Variants in ARL15 observed in about 807,000 individuals in gnomAD.
The protein encoded by ARL15 is ARF like GTPase 15.
A neutral mutation model predicts 25.2 loss-of-function variants in ARL15; 19 were observed. The observed-to-expected ratio is 0.75, with a 90% CI of 0.53 to 1.10. The LOEUF is 1.10. Ranked by LOEUF, ARL15 falls within the 50% of genes least tolerant of loss-of-function variation. The pLI, the probability that ARL15 is intolerant of heterozygous loss-of-function variation, is 0.00. For synonymous variants in ARL15, 94 were observed against 86.8 expected, an observed-to-expected ratio of 1.08 and a Z score of -0.46; for missense variants, 220 against 246.0, an observed-to-expected ratio of 0.89 and a Z score of 0.71.
intron 1 of ARL15, among the ~76,000 whole-genome samples, chr5:54,233,513 T>C (rs921476977): frequency 6.6e-6 from 1 of 152,358 alleles, no homozygotes; most frequent in South Asian, 2.1e-4. Flanking sequence ...GTGTTAACAT[T>C]TGGAAGATTT....
At chr5:54,263,247 G>A (rs1757540538) in intron 1 of ARL15, among the ~76,000 whole-genome samples, 1 of 152,104 alleles carries the variant, frequency 6.6e-6, no homozygotes, top group South Asian at 2.1e-4. Context: ...TAACACAACT[G>A]TAATTAATAA....
intron 1 of ARL15, among the ~76,000 whole-genome samples, chr5:54,248,629 T>C (rs1370990459): frequency 6.6e-6 from 1 of 152,244 alleles, no homozygotes; most frequent in Non-Finnish European, 1.5e-5. Flanking sequence ...TATTTGCTAA[T>C]TGTAGGTCTT....
chr5:54,128,646 A>G (rs1308789037), intron 3 of ARL15, among the ~76,000 whole-genome samples: 1 of 151,842 alleles, frequency 6.6e-6, no homozygotes, highest in Non-Finnish European at 1.5e-5. Context: ...ACACTATGTC[A>G]TTTAGGCTTC....
At chr5:54,249,452 G>A (rs1399581983) in intron 1 of ARL15, among the ~76,000 whole-genome samples, 1 of 152,050 alleles carries the variant, frequency 6.6e-6, no homozygotes, top group Non-Finnish European at 1.5e-5. Context: ...AGATATAAGA[G>A]GAAGTGAAGA....
intron 1 of ARL15, among the ~76,000 whole-genome samples, chr5:54,174,303 T>C (rs1754802988): frequency 6.6e-6 from 1 of 152,208 alleles, no homozygotes. Context: ...AAGAAAATAC[T>C]GTCAAAATAA....
At chr5:53,965,226 A>G (rs1747510998) in intron 4 of ARL15, among the ~76,000 whole-genome samples, 1 of 152,164 alleles carries the variant, frequency 6.6e-6, no homozygotes, top group Non-Finnish European at 1.5e-5. Flanking sequence ...TCTTGTTTGT[A>G]TATTATTAAT....
intron 4 of ARL15, among the ~76,000 whole-genome samples, chr5:54,061,488 T>G (rs912276792): frequency 1.3e-5 from 2 of 152,128 alleles, no homozygotes; most frequent in African/African-American, 4.8e-5. Flanking sequence ...TGTATGCCTG[T>G]AATCCCAGCT....
intron 4 of ARL15, among the ~76,000 whole-genome samples, chr5:54,052,690 C>T (rs933460974): frequency 4.5e-4 from 68 of 152,148 alleles, no homozygotes; most frequent in African/African-American, 1.6e-3. Context: ...GTTTAATATA[C>T]AGAGGATTAC....
intron 4 of ARL15, among the ~76,000 whole-genome samples, chr5:53,910,633 T>TTATATATATATA (rs70986649): frequency 0.027 from 1,475 of 54,416 alleles, 26 homozygotes; most frequent in Non-Finnish European, 0.031. Context: ...TAAAAAAAAA[T>TTATATATATATA]TATATATATA....
chr5:54,160,476 C>T (rs543147889), intron 2 of ARL15, among the ~76,000 whole-genome samples: 22 of 152,164 alleles, frequency 1.4e-4, no homozygotes, highest in Admixed American at 7.9e-4. Flanking sequence ...CCTTTAGATT[C>T]CATTCCTCTG....
At chr5:54,279,239 T>C (rs1757994963) in intron 1 of ARL15, among the ~76,000 whole-genome samples, 1 of 138,076 alleles carries the variant, frequency 7.2e-6, no homozygotes, top group Non-Finnish European at 1.6e-5. Flanking sequence ...GTTTATGTTA[T>C]CTGCAATTTA....
Position 53,987,714 on chromosome 5 carries a change from GC to G in ARL15, c.463-101002del, listed in dbSNP as rs771408128. Among the ~76,000 whole-genome samples, 12 of 152,264 alleles carry G rather than the reference GC, an allele frequency of 7.9e-5. No homozygotes were observed. The East Asian group carries it at 2.3e-3, about 29-fold the overall frequency. Reference sequence around the variant, plus strand: ...ACCTGTAATCCCAGCAGTTTGGGAGGCCAAGGTGGGAGGATCACTTGAGCCT... The same window carrying G: ...ACCTGTAATCCCAGCAGTTTGGGAGGCAAGGTGGGAGGATCACTTGAGCCT... On this transcript the variant is annotated intron_variant, in intron 4 of 4. Transcript: ENST00000504924.
intron 3 of ARL15, among the ~76,000 whole-genome samples, chr5:54,118,525 C>T (rs1316949014): frequency 6.6e-6 from 1 of 152,092 alleles, no homozygotes; most frequent in Non-Finnish European, 1.5e-5. Flanking sequence ...CATATGGATA[C>T]TCATTGTCTT....
intron 1 of ARL15, among the ~76,000 whole-genome samples, chr5:54,281,803 C>G (rs919563915): frequency 6.6e-6 from 1 of 152,140 alleles, no homozygotes; most frequent in Admixed American, 6.5e-5. Flanking sequence ...AATTGTACTC[C>G]ATGTATTTTC....
chr5:53,963,120 T>C (rs895057926), intron 4 of ARL15, among the ~76,000 whole-genome samples: 1 of 152,110 alleles, frequency 6.6e-6, no homozygotes, highest in Non-Finnish European at 1.5e-5. Context: ...AAAAAGGTAA[T>C]AAAGGATGGG....
At chr5:54,152,022 C>A (rs1754083374) in intron 3 of ARL15, among the ~76,000 whole-genome samples, 1 of 152,148 alleles carries the variant, frequency 6.6e-6, no homozygotes, top group Non-Finnish European at 1.5e-5. Flanking sequence ...ACTGTCCTGG[C>A]TCTTAATCTC....
chr5:54,038,596 G>C (rs1452503487), intron 4 of ARL15, among the ~76,000 whole-genome samples: 1 of 151,970 alleles, frequency 6.6e-6, no homozygotes, highest in Non-Finnish European at 1.5e-5. Flanking sequence ...ACCAAAATTA[G>C]AGTGATATAA....
At chr5:53,979,271 G>A (rs1051121377) in intron 4 of ARL15, among the ~76,000 whole-genome samples, 2 of 152,078 alleles carry the variant, frequency 1.3e-5, no homozygotes, top group Admixed American at 6.5e-5. Flanking sequence ...GGTGGCTCAC[G>A]CCTATAATCC....
At chr5:54,300,402 T>G (rs1269966602) in intron 1 of ARL15, among the ~76,000 whole-genome samples, 1 of 152,166 alleles carries the variant, frequency 6.6e-6, no homozygotes, top group Non-Finnish European at 1.5e-5. Flanking sequence ...GCTGTTGCAA[T>G]GTACCCAGCT....
Sources: allele counts gnomAD v4.1 joint callset (sites outside exome capture counted in the v4.1 genomes callset), GRCh38; gene constraint gnomAD v4.1.1; transcripts MANE v1.5; gene names NCBI Gene and HGNC (gene_info 2026-07-23, HGNC 2026-07-21).